Variants in PLXDC1 observed in about 807,000 individuals in gnomAD.
PLXDC1 encodes plexin domain-containing protein 1.
A neutral mutation model predicts 61.3 loss-of-function variants in PLXDC1; 39 were observed. The observed-to-expected ratio is 0.64, with a 90% CI of 0.49 to 0.83. The LOEUF is 0.83. PLXDC1 is among the 40% of genes least tolerant of loss of function. The pLI, the probability that PLXDC1 is intolerant of heterozygous loss-of-function variation, is 0.00. For synonymous variants in PLXDC1, 212 were observed against 254.5 expected, an observed-to-expected ratio of 0.83 and a Z score of 1.59; for missense variants, 596 against 666.5, an observed-to-expected ratio of 0.89 and a Z score of 1.17.
At chr17:39,128,107 A>ATACATATATACATATATATG (rs1911387079) in intron 2 of PLXDC1, among the ~76,000 whole-genome samples, 2 of 100,632 alleles carry the variant, frequency 2.0e-5, no homozygotes, top group African/African-American at 8.6e-5. Context: ...GTATATATAT[A>ATACATATATACATATATATG]TATATATGTA....
chr17:39,128,463 G>T (rs373694697), intron 2 of PLXDC1, among the ~76,000 whole-genome samples: 1 of 151,104 alleles, frequency 6.6e-6, no homozygotes, highest in Admixed American at 6.6e-5. Flanking sequence ...CAGATGATCC[G>T]CCCACCCAGG....
In PLXDC1 at chr17:39,108,182, A is replaced by G; in HGVS notation, c.533T>C (p.Leu178Pro). ...MLTATQYVAPLMANFNPGYSD... is the reference protein window; with the variant it reads ...MLTATQYVAPPMANFNPGYSD... ...GTAGCCAGGGTTGAAGTTGGCCATC[A>G]GGGGCGCCACATACTGAGTAGCTGT... is the stretch of plus-strand genomic sequence containing the variant. The change falls in exon 5 of 14, where the codon CTG becomes CCG. Residue 178 changes from leucine (L) to proline (P), a missense_variant. Coordinates refer to ENST00000315392, the MANE Select transcript of PLXDC1 (RefSeq NM_020405.5). 1 of 1,614,194 alleles carries G rather than the reference A, an allele frequency of 6.2e-7. No homozygotes were observed. The highest frequency in any genetic ancestry group is 8.5e-7 in the Non-Finnish European group (1 of 1,180,016).
chr17:39,077,817 G>T, intron 11 of PLXDC1, 96 bp downstream of exon 11: 1 of 1,202,616 alleles, frequency 8.3e-7, no homozygotes, highest in Non-Finnish European at 1.2e-6. Context: ...CATCCCATGA[G>T]ATCATCCCTG....
chr17:39,071,027 A>G (rs1598181971), intron 12 of PLXDC1, among the ~76,000 whole-genome samples: 1 of 152,206 alleles, frequency 6.6e-6, no homozygotes, highest in African/African-American at 2.4e-5. Flanking sequence ...AAGCTCAAAG[A>G]AAGTCTATGG....
chr17:39,123,613 G>A (rs1472520603), intron 2 of PLXDC1, among the ~76,000 whole-genome samples: 1 of 152,196 alleles, frequency 6.6e-6, no homozygotes, highest in Non-Finnish European at 1.5e-5. Flanking sequence ...ACCCTGATTT[G>A]TTTGGGCCTT....
At chr17:39,088,963 A>AAAAAAAAG (rs1555570853) in intron 7 of PLXDC1, among the ~76,000 whole-genome samples, 1 of 119,594 alleles carries the variant, frequency 8.4e-6, no homozygotes, top group Non-Finnish European at 1.6e-5. Context: ...AAAAAAAAAA[A>AAAAAAAAG]AGAGAGAGAG....
At chr17:39,101,607 C>T (rs932490144) in intron 7 of PLXDC1, among the ~76,000 whole-genome samples, 4 of 152,146 alleles carry the variant, frequency 2.6e-5, no homozygotes, top group Non-Finnish European at 5.9e-5. Flanking sequence ...AAATGCTGAC[C>T]AGGGAGGAGG....
At chr17:39,079,861 A>G in intron 9 of PLXDC1, 1 of 285,030 alleles carries the variant, frequency 3.5e-6, no homozygotes, top group Non-Finnish European at 6.9e-6. Context: ...GAATAACATC[A>G]TGAACCACCA....
intron 2 of PLXDC1, chr17:39,113,166 G>A (rs1042991419): frequency 6.6e-6 from 1 of 152,138 alleles, no homozygotes; most frequent in Non-Finnish European, 1.5e-5. Flanking sequence ...TTAGAGTGAC[G>A]CTGTTTACAA....
intron 6 of PLXDC1, 76 bp downstream of exon 6, chr17:39,107,331 T>C: frequency 2.3e-6 from 2 of 884,784 alleles, no homozygotes; most frequent in Non-Finnish European, 3.6e-6. Flanking sequence ...GCCTGGCACA[T>C]TGCAAATTCT....
intron 2 of PLXDC1, 63 bp from the exon 3 acceptor site, chr17:39,109,454 T>C (rs988287712): frequency 6.6e-7 from 1 of 1,519,696 alleles, no homozygotes; most frequent in Admixed American, 2.1e-5. Flanking sequence ...GGACTGACTC[T>C]CCGCCCTTCC....
At chr17:39,072,897 G>A (rs541849503) in intron 11 of PLXDC1, among the ~76,000 whole-genome samples, 66 of 152,298 alleles carry the variant, frequency 4.3e-4, no homozygotes, top group African/African-American at 1.5e-3. Flanking sequence ...GAGGCCTGTA[G>A]CCTGTGGCTT....
rs1214196602 is a variant in PLXDC1 at position 39,063,632 on chromosome 17, TTTA to T, written c.*4205_*4207del. 6.0e-5 allele frequency: 37 copies of T among 621,124 alleles called. No individual in the cohort carries two copies. In the Admixed American group the frequency reaches 9.3e-4, roughly 16 times the overall value. 38.5% of individuals were successfully genotyped at this position (621,124 alleles called of 1,614,324 possible). On this transcript the variant is annotated 3_prime_UTR_variant, in exon 14 of 14. Transcript: ENST00000315392. ...CAGGAGTTGTAAAAGAATGCTTCCT[TTTA>T]TTATTAACACTGAGAATCCATGCAG...
chr17:39,147,724 A>G (rs1459224017), intron 1 of PLXDC1, among the ~76,000 whole-genome samples: 1 of 151,960 alleles, frequency 6.6e-6, no homozygotes, highest in East Asian at 1.9e-4. Context: ...TCAGCTCTCT[A>G]TGTGTGTCCC....
At chr17:39,090,808 T>C (rs1288355312) in intron 7 of PLXDC1, among the ~76,000 whole-genome samples, 1 of 152,158 alleles carries the variant, frequency 6.6e-6, no homozygotes, top group African/African-American at 2.4e-5. Context: ...TTAAGCAATG[T>C]TTATAAACTT....
chr17:39,123,155 C>A (rs1008851834), intron 2 of PLXDC1, among the ~76,000 whole-genome samples: 1 of 152,198 alleles, frequency 6.6e-6, no homozygotes, highest in African/African-American at 2.4e-5. Context: ...CCTCTCTTCT[C>A]TGAGGGTCAG....
chr17:39,124,057 A>G (rs891220948), intron 2 of PLXDC1, among the ~76,000 whole-genome samples: 1 of 152,100 alleles, frequency 6.6e-6, no homozygotes. Context: ...TACAAGGCCA[A>G]CAGAAATGCA....
intron 8 of PLXDC1, among the ~76,000 whole-genome samples, chr17:39,086,713 T>C (rs1484363191): frequency 6.7e-6 from 1 of 150,278 alleles, no homozygotes; most frequent in Non-Finnish European, 1.5e-5. Context: ...AATACAAAAA[T>C]TAGCCGGGCA....
chr17:39,083,562 C>T (rs1329535434), intron 8 of PLXDC1, 22 bp from the exon 9 acceptor site: 5 of 1,572,220 alleles, frequency 3.2e-6, no homozygotes, highest in African/African-American at 2.7e-5. Flanking sequence ...AAGGCAGTGG[C>T]CGCTCAGCAC....
Sources: allele counts gnomAD v4.1 joint callset (sites outside exome capture counted in the v4.1 genomes callset), GRCh38; gene constraint gnomAD v4.1.1; transcripts MANE v1.5; gene names NCBI Gene and HGNC (gene_info 2026-07-23, HGNC 2026-07-21).